The following ZSWIM5 variants were observed in gnomAD, a reference collection of about 807,000 sequenced individuals.
ZSWIM5 encodes the protein zinc finger SWIM-type containing 5.
A neutral mutation model predicts 119.6 loss-of-function variants in ZSWIM5; 55 were observed. That is an observed-to-expected ratio of 0.46 (90% confidence interval 0.37 to 0.58). ZSWIM5 has a LOEUF of 0.58. ZSWIM5 is among the 20% of genes least tolerant of loss of function. The probability of loss-of-function intolerance (pLI) is 0.00; values close to 1 mark genes in which losing one functional copy is unlikely to be tolerated. For synonymous variants in ZSWIM5, 537 were observed against 606.9 expected (o/e 0.88, Z 1.69); for missense variants, 1,193 against 1,512.8 (o/e 0.79, Z 3.51).
At chr1:45,144,764 G>A (rs1174851049) in intron 1 of ZSWIM5, among the ~76,000 whole-genome samples, 4 of 152,118 alleles carry the variant, frequency 2.6e-5, no homozygotes, top group Non-Finnish European at 5.9e-5. Context: ...TAGGCAAAGA[G>A]TTTTTATACA....
chr1:45,132,210 CA>C (rs1645661595), intron 1 of ZSWIM5, among the ~76,000 whole-genome samples: 1 of 151,494 alleles, frequency 6.6e-6, no homozygotes, highest in African/African-American at 2.4e-5. Flanking sequence ...ATTTATACAA[CA>C]AAAAATAAGA....
At chr1:45,112,311 C>A (rs1645523573) in intron 1 of ZSWIM5, among the ~76,000 whole-genome samples, 1 of 152,088 alleles carries the variant, frequency 6.6e-6, no homozygotes, top group South Asian at 2.1e-4. Flanking sequence ...TCATGTTCTG[C>A]CATCTTTATA....
intron 2 of ZSWIM5, among the ~76,000 whole-genome samples, chr1:45,068,569 C>G (rs986473269): frequency 6.6e-6 from 1 of 151,920 alleles, no homozygotes; most frequent in Admixed American, 6.6e-5. Flanking sequence ...ACCTCAAGGA[C>G]ATGAAGGTGT....
rs1410161855 is a variant in ZSWIM5 at position 45,026,070 on chromosome 1, T to G, written c.2450-5282A>C. Among the ~76,000 whole-genome samples the G allele has an allele frequency of 2.0e-5, 3 of 152,316 alleles. No individual in the cohort carries two copies. In the East Asian group the frequency reaches 5.8e-4, roughly 29 times the overall value. The stretch of plus-strand genomic sequence containing the variant: ...GGTTTTATTTTTTATCTTTAAGCTC[T>G]TTTGCCCAGGCTGGAGTGCAGTAGT... On this transcript the variant is annotated intron_variant, in intron 11 of 13. Transcript: ENST00000359600.
At chr1:45,149,838 A>T (rs1015428958) in intron 1 of ZSWIM5, among the ~76,000 whole-genome samples, 5 of 152,202 alleles carry the variant, frequency 3.3e-5, no homozygotes, top group Non-Finnish European at 5.9e-5. Context: ...AACAAAAATT[A>T]ATCCATTAAC....
chr1:45,104,022 G>T (rs550908027), intron 1 of ZSWIM5, among the ~76,000 whole-genome samples: 4 of 152,220 alleles, frequency 2.6e-5, no homozygotes, highest in Non-Finnish European at 5.9e-5. Flanking sequence ...AGTTAAAAAG[G>T]ATATGCAAAT....
chr1:45,142,637 T>C (rs1001577646), intron 1 of ZSWIM5, among the ~76,000 whole-genome samples: 2 of 152,124 alleles, frequency 1.3e-5, no homozygotes, highest in African/African-American at 2.4e-5. Flanking sequence ...AATAGTTGTA[T>C]ATTTACAAGA....
At chr1:45,079,879 G>A (rs1277758934) in intron 2 of ZSWIM5, among the ~76,000 whole-genome samples, 1 of 152,136 alleles carries the variant, frequency 6.6e-6, no homozygotes, top group Non-Finnish European at 1.5e-5. Flanking sequence ...AAAGGCAGCA[G>A]GTTCCTTTCT....
chr1:45,051,312 T>G (rs1645087233), intron 4 of ZSWIM5, 59 bp from the exon 5 acceptor site: 1 of 1,448,352 alleles, frequency 6.9e-7, no homozygotes, highest in Admixed American at 2.5e-5. Context: ...GTGTAAGCCT[T>G]AATGTTTCAG....
At chr1:45,165,607 A>G (rs1645896535) in intron 1 of ZSWIM5, among the ~76,000 whole-genome samples, 1 of 152,154 alleles carries the variant, frequency 6.6e-6, no homozygotes, top group Non-Finnish European at 1.5e-5. Context: ...AGAATCAAAT[A>G]GATGCAATAA....
At chr1:45,152,297 G>C (rs1645802079) in intron 1 of ZSWIM5, among the ~76,000 whole-genome samples, 1 of 152,222 alleles carries the variant, frequency 6.6e-6, no homozygotes, top group African/African-American at 2.4e-5. Context: ...GGGGGAACCA[G>C]TTACGCAAGT....
At chr1:45,150,171 T>TAAAAAAAAAA (rs59869691) in intron 1 of ZSWIM5, among the ~76,000 whole-genome samples, 5 of 93,358 alleles carry the variant, frequency 5.4e-5, no homozygotes, top group Admixed American at 1.2e-4. Context: ...CTCTATCTCT[T>TAAAAAAAAAA]AAAAAAAAAA....
chr1:45,036,347 CTTCT>C, intron 8 of ZSWIM5, 48 bp from the exon 9 acceptor site: 1 of 1,448,706 alleles, frequency 6.9e-7, no homozygotes, highest in East Asian at 2.4e-5. Context: ...TTGGTAGAGT[CTTCT>C]TTCTTTTTTT....
At chr1:45,025,000 G>A (rs1644911870) in intron 11 of ZSWIM5, among the ~76,000 whole-genome samples, 1 of 152,132 alleles carries the variant, frequency 6.6e-6, no homozygotes, top group South Asian at 2.1e-4. Context: ...TTAGGTCTAT[G>A]ATCCATTTTG....
intron 2 of ZSWIM5, among the ~76,000 whole-genome samples, chr1:45,068,089 T>G (rs375840323): frequency 4.6e-4 from 63 of 138,376 alleles, no homozygotes; most frequent in African/African-American, 1.6e-3. Context: ...GAAGCAATTT[T>G]TCTTTTTTTT....
chr1:45,191,054 C>T (rs1370297653), intron 1 of ZSWIM5, among the ~76,000 whole-genome samples: 1 of 145,580 alleles, frequency 6.9e-6, no homozygotes, highest in East Asian at 2.1e-4. Flanking sequence ...TCACGCCATT[C>T]TCCTGCCTCA....
At chr1:45,029,531 A>G (rs1186533983) in intron 11 of ZSWIM5, among the ~76,000 whole-genome samples, 1 of 152,094 alleles carries the variant, frequency 6.6e-6, no homozygotes, top group Non-Finnish European at 1.5e-5. Context: ...TCGATTGTAA[A>G]GTTATACATT....
intron 11 of ZSWIM5, 64 bp downstream of exon 11, chr1:45,034,248 T>C: frequency 6.6e-7 from 1 of 1,507,882 alleles, no homozygotes; most frequent in Admixed American, 2.2e-5. Context: ...GGCCAAGCCT[T>C]TGACATGCCA....
intron 1 of ZSWIM5, among the ~76,000 whole-genome samples, chr1:45,185,243 A>T (rs1646049850): frequency 6.6e-6 from 1 of 151,040 alleles, no homozygotes; most frequent in South Asian, 2.1e-4. Flanking sequence ...TTATACAAAA[A>T]TTAATTCAAG....
Sources: allele counts gnomAD v4.1 joint callset (sites outside exome capture counted in the v4.1 genomes callset), GRCh38; gene constraint gnomAD v4.1.1; transcripts MANE v1.5; gene names NCBI Gene and HGNC (gene_info 2026-07-23, HGNC 2026-07-21).